Variants in AUTS2 observed in about 807,000 individuals in gnomAD.
AUTS2 encodes autism susceptibility gene 2 protein.
In AUTS2, 17 loss-of-function variants were observed where a neutral mutation model predicts 112.4. The ratio of observed to expected loss-of-function variants is 0.15; its 90% CI spans 0.10 to 0.23. The LOEUF is 0.23. AUTS2 is among the 10% of genes least tolerant of loss of function. The probability of loss-of-function intolerance (pLI) is 1.00; values close to 1 mark genes in which losing one functional copy is unlikely to be tolerated. For missense variants in AUTS2, 1,510 were observed against 1,701.6 expected (o/e 0.89, Z 1.98); for synonymous variants, 751 against 702.7 (o/e 1.07, Z -1.09).
At chr7:69,649,941 T>C (rs979845766) in intron 1 of AUTS2, among the ~76,000 whole-genome samples, 1 of 152,166 alleles carries the variant, frequency 6.6e-6, no homozygotes, top group African/African-American at 2.4e-5. Flanking sequence ...GTCATTTTTT[T>C]CCTATTCCTT....
intron 5 of AUTS2, among the ~76,000 whole-genome samples, chr7:70,602,527 C>G (rs1803529533): frequency 6.6e-6 from 1 of 152,200 alleles, no homozygotes; most frequent in Admixed American, 6.5e-5. Flanking sequence ...GGTGTTGCAG[C>G]TGTGTTTCAT....
At chr7:70,124,042 G>A (rs1433252611) in intron 3 of AUTS2, among the ~76,000 whole-genome samples, 3 of 151,966 alleles carry the variant, frequency 2.0e-5, no homozygotes, top group East Asian at 1.9e-4. Flanking sequence ...ATTAATAATA[G>A]CCATTTGACT....
intron 4 of AUTS2, among the ~76,000 whole-genome samples, chr7:70,336,334 ATT>A (rs1790989805): frequency 6.6e-6 from 1 of 152,036 alleles, no homozygotes; most frequent in Admixed American, 6.5e-5. Context: ...CATTGCTAGC[ATT>A]TCTCTCTGTA....
At chr7:70,330,513 G>T (rs951037773) in intron 4 of AUTS2, among the ~76,000 whole-genome samples, 2 of 152,128 alleles carry the variant, frequency 1.3e-5, no homozygotes, top group African/African-American at 2.4e-5. Flanking sequence ...TAGTACACTG[G>T]TTTGATTACT....
intron 2 of AUTS2, among the ~76,000 whole-genome samples, chr7:69,950,977 C>CT (rs1797003947): frequency 6.6e-6 from 1 of 151,844 alleles, no homozygotes; most frequent in Non-Finnish European, 1.5e-5. Context: ...CTCTCTTTCT[C>CT]TCTTTTTTTT....
chr7:70,447,517 C>G (rs1008300663), intron 5 of AUTS2, among the ~76,000 whole-genome samples: 1 of 152,184 alleles, frequency 6.6e-6, no homozygotes, highest in African/African-American at 2.4e-5. Flanking sequence ...TATTATCCCC[C>G]ATTTACAGAG....
intron 5 of AUTS2, among the ~76,000 whole-genome samples, chr7:70,448,912 G>A (rs577260296): frequency 6.6e-6 from 1 of 152,276 alleles, no homozygotes; most frequent in East Asian, 1.9e-4. Flanking sequence ...CATGCTTACA[G>A]TGCAACTCCA....
At chr7:69,938,712 A>G (rs1248316022) in intron 2 of AUTS2, among the ~76,000 whole-genome samples, 1 of 152,200 alleles carries the variant, frequency 6.6e-6, no homozygotes, top group Non-Finnish European at 1.5e-5. Flanking sequence ...GAAGTGGCTA[A>G]GTGTCTTAGA....
intron 2 of AUTS2, among the ~76,000 whole-genome samples, chr7:70,086,507 G>A (rs748348368): frequency 5.3e-5 from 8 of 151,926 alleles, no homozygotes; most frequent in Non-Finnish European, 1.2e-4. Context: ...TGGCTATAAT[G>A]GCGGGTGCCT....
intron 2 of AUTS2, among the ~76,000 whole-genome samples, chr7:69,927,405 A>T (rs1796063673): frequency 6.6e-6 from 1 of 152,000 alleles, no homozygotes. Flanking sequence ...TTTCTGCTTA[A>T]ACAGTGAATT....
At chr7:70,226,662 C>G (rs778638257) in intron 4 of AUTS2, among the ~76,000 whole-genome samples, 3 of 152,126 alleles carry the variant, frequency 2.0e-5, no homozygotes, top group Non-Finnish European at 4.4e-5. Flanking sequence ...AAAGGGTTTT[C>G]TCTTCTTCAT....
At chr7:70,409,833 C>T (rs991732803) in intron 4 of AUTS2, among the ~76,000 whole-genome samples, 6 of 152,132 alleles carry the variant, frequency 3.9e-5, no homozygotes, top group Non-Finnish European at 4.4e-5. Flanking sequence ...ACTTTCCTTT[C>T]GGTACACCTT....
At chr7:70,607,459 T>C (rs1169578264) in intron 5 of AUTS2, among the ~76,000 whole-genome samples, 1 of 151,928 alleles carries the variant, frequency 6.6e-6, no homozygotes, top group Non-Finnish European at 1.5e-5. Flanking sequence ...AAAAGTCAAG[T>C]CTAGACAAGA....
intron 1 of AUTS2, among the ~76,000 whole-genome samples, chr7:69,608,806 G>T (rs1442340221): frequency 6.6e-6 from 1 of 152,124 alleles, no homozygotes; most frequent in Non-Finnish European, 1.5e-5. Flanking sequence ...TTTCACTGGA[G>T]CAAAAAGGGA....
intron 5 of AUTS2, among the ~76,000 whole-genome samples, chr7:70,675,502 A>G (rs1807865394): frequency 6.6e-6 from 1 of 152,194 alleles, no homozygotes. Flanking sequence ...TCTAAAAGAA[A>G]GAAAAAGAAA....
At chr7:69,605,190 A>T (rs1444316444) in intron 1 of AUTS2, among the ~76,000 whole-genome samples, 1 of 152,218 alleles carries the variant, frequency 6.6e-6, no homozygotes, top group African/African-American at 2.4e-5. Context: ...AGATCTTGGA[A>T]TCTGGTGATC....
At chr7:69,833,516 A>G (rs941246779) in intron 1 of AUTS2, among the ~76,000 whole-genome samples, 6 of 151,946 alleles carry the variant, frequency 3.9e-5, no homozygotes, top group African/African-American at 1.2e-4. Flanking sequence ...GCTCACTGCA[A>G]CCTCGTCTCC....
At chr7:69,657,785 G>A (rs1208709996) in intron 1 of AUTS2, among the ~76,000 whole-genome samples, 1 of 152,152 alleles carries the variant, frequency 6.6e-6, no homozygotes, top group East Asian at 1.9e-4. Context: ...CTCCATCTCT[G>A]GCTCCTGTAA....
At chr7:69,959,906 G>A (rs1797362871) in intron 2 of AUTS2, among the ~76,000 whole-genome samples, 2 of 152,192 alleles carry the variant, frequency 1.3e-5, no homozygotes, top group South Asian at 2.1e-4. Context: ...TATATGGCCA[G>A]GGTCTGAGTC....
Sources: gnomAD v4.1 joint callset for allele counts (sites outside exome capture counted in the v4.1 genomes callset) on GRCh38, gnomAD v4.1.1 for gene constraint, MANE v1.5 for transcripts, NCBI Gene and HGNC (gene_info 2026-07-23, HGNC 2026-07-21) for gene names.